SIK2: variants seen among roughly 807,000 people sequenced by gnomAD.
The protein encoded by SIK2 is serine/threonine-protein kinase SIK2.
In SIK2, 29 loss-of-function variants were observed where a neutral mutation model predicts 103.2. That is an observed-to-expected ratio of 0.28 (90% confidence interval 0.21 to 0.38). The LOEUF (loss-of-function observed/expected upper bound fraction) is 0.38. SIK2 is among the 10% of genes least tolerant of loss of function. The pLI, the probability that SIK2 is intolerant of heterozygous loss-of-function variation, is 1.00. For synonymous variants in SIK2, 412 were observed against 446.1 expected, an observed-to-expected ratio of 0.92 and a Z score of 0.96; for missense variants, 879 against 1,171.0, an observed-to-expected ratio of 0.75 and a Z score of 3.64.
chr11:111,612,165 C>T (rs564513074), intron 1 of SIK2, among the ~76,000 whole-genome samples: 1 of 152,188 alleles, frequency 6.6e-6, no homozygotes, highest in Admixed American at 6.5e-5. Context: ...AGTTAGAAGG[C>T]CTAGGGTTTT....
In SIK2 at chr11:111,722,090, T is replaced by A; in HGVS notation, c.2055+150T>A. 1 of 549,348 alleles carries A rather than the reference T, an allele frequency of 1.8e-6. No individual in the cohort carries two copies. Among genetic ancestry groups the A allele is most frequent in the Non-Finnish European group, 3.1e-6 (1 of 325,552 alleles). 34.0% of individuals were successfully genotyped at this position (549,348 alleles called of 1,614,324 possible). The stretch of plus-strand genomic sequence containing the variant: ...GCTTTGACTCTGTACTTGGAGTTTC[T>A]AGAAACGTGTTCAGATCTAGCTTTG... On this transcript the variant is annotated intron_variant, in intron 13 of 14. Transcript: ENST00000304987. This position sits in a 1 kb window ranked among gnomAD's most constrained non-coding sequence, Gnocchi z 4.4.
At chr11:111,631,814 TC>T (rs1205191711) in intron 3 of SIK2, among the ~76,000 whole-genome samples, 2 of 149,156 alleles carry the variant, frequency 1.3e-5, no homozygotes, top group Non-Finnish European at 3.0e-5. Context: ...TAGAGAGGCT[TC>T]CTGTGCCATC....
At position 111,725,433 on chromosome 11, in the gene SIK2, A is replaced by G. The variant is rs550917487; in HGVS notation, c.*1304A>G. 1 of 152,658 alleles carries G rather than the reference A, an allele frequency of 6.6e-6. No homozygotes were observed. Among genetic ancestry groups the G allele is most frequent in the African/African-American group, 2.4e-5 (1 of 41,554 alleles). The allele number at this position is 152,658 out of a possible 1,614,324, so 9.5% of individuals were successfully genotyped here. A position where few individuals can be genotyped will look rare whatever the true frequency, so the allele number is the denominator to read the frequency against. ...TACTAATAAAACTTAACCAACACTTACAATTCAGTCATCAAAGTAAGTAAA... is the reference window on the plus strand; with the variant it reads ...TACTAATAAAACTTAACCAACACTTGCAATTCAGTCATCAAAGTAAGTAAA... On this transcript the variant is annotated 3_prime_UTR_variant, in exon 15 of 15. Transcript: ENST00000304987.
chr11:111,680,203 G>A (rs1206201843), intron 3 of SIK2, among the ~76,000 whole-genome samples: 2 of 151,994 alleles, frequency 1.3e-5, no homozygotes, highest in Non-Finnish European at 2.9e-5. Flanking sequence ...GAAAAGATGA[G>A]TATAGATTTA....
At chr11:111,610,882 A>C (rs572827497) in intron 1 of SIK2, among the ~76,000 whole-genome samples, 1 of 152,280 alleles carries the variant, frequency 6.6e-6, no homozygotes, top group East Asian at 1.9e-4. Flanking sequence ...GTTTTTTGTC[A>C]TCTTTTTCTA....
chr11:111,617,859 TATACACAC>T (rs992798476), intron 2 of SIK2, among the ~76,000 whole-genome samples: 2 of 150,908 alleles, frequency 1.3e-5, no homozygotes, highest in South Asian at 2.1e-4. Flanking sequence ...TGTATATATA[TATACACAC>T]ACACACACAC....
intron 6 of SIK2, among the ~76,000 whole-genome samples, chr11:111,702,976 C>G (rs537287193): frequency 1.1e-4 from 17 of 152,064 alleles, no homozygotes; most frequent in Non-Finnish European, 2.2e-4. Context: ...TTCCTTTAGC[C>G]CAGAATCTGA....
At chr11:111,611,796 A>G (rs1013391059) in intron 1 of SIK2, among the ~76,000 whole-genome samples, 6 of 152,268 alleles carry the variant, frequency 3.9e-5, no homozygotes, top group South Asian at 4.1e-4. Flanking sequence ...TTCTTGACCT[A>G]CTTTCTTGTT....
At chr11:111,619,135 A>G (rs531425247) in intron 2 of SIK2, among the ~76,000 whole-genome samples, 26 of 152,222 alleles carry the variant, frequency 1.7e-4, no homozygotes, top group Non-Finnish European at 3.4e-4. Flanking sequence ...TAAAACTAAC[A>G]TAATTTGCAT....
At chr11:111,622,757 A>T (rs1202968747) in intron 3 of SIK2, among the ~76,000 whole-genome samples, 1 of 152,104 alleles carries the variant, frequency 6.6e-6, no homozygotes, top group East Asian at 1.9e-4. Context: ...ACTGTTTCTG[A>T]CAAAAAAACC....
intron 3 of SIK2, among the ~76,000 whole-genome samples, chr11:111,647,562 GAAAAAA>G (rs11307756): frequency 1.6e-5 from 1 of 62,940 alleles, no homozygotes; most frequent in African/African-American, 5.7e-5. Context: ...CCCCCATCTC[GAAAAAA>G]AAAAAAAAAA....
At chr11:111,682,210 T>A (rs565318986) in intron 3 of SIK2, among the ~76,000 whole-genome samples, 1 of 152,314 alleles carries the variant, frequency 6.6e-6, no homozygotes, top group South Asian at 2.1e-4. Flanking sequence ...ATATTAAGCC[T>A]GAATCTATTC....
chr11:111,676,347 A>T (rs1942703197), intron 3 of SIK2, among the ~76,000 whole-genome samples: 1 of 152,176 alleles, frequency 6.6e-6, no homozygotes, highest in South Asian at 2.1e-4. Context: ...ACTGCTTCCC[A>T]CCGCAGCTGA....
chr11:111,652,160 T>G (rs1591601648), intron 3 of SIK2, among the ~76,000 whole-genome samples: 1 of 152,204 alleles, frequency 6.6e-6, no homozygotes, highest in Non-Finnish European at 1.5e-5. Context: ...TACATACATA[T>G]ATATACACAT....
intron 9 of SIK2, 118 bp from the exon 10 acceptor site, chr11:111,719,657 C>A: frequency 1.0e-6 from 1 of 969,532 alleles, no homozygotes; most frequent in Non-Finnish European, 1.6e-6. Context: ...TAAATATGTG[C>A]ATGTTTAAAT....
chr11:111,637,227 T>C (rs1355690958), intron 3 of SIK2, among the ~76,000 whole-genome samples: 1 of 152,196 alleles, frequency 6.6e-6, no homozygotes, highest in African/African-American at 2.4e-5. Flanking sequence ...TGCTACCACA[T>C]TTTAATATCT....
chr11:111,722,529 T>G lies in SIK2; in HGVS notation c.2056-136T>G. The G allele has an allele frequency of 1.2e-6, 1 of 805,498 alleles. No individual in the cohort carries two copies. The highest frequency in any genetic ancestry group is 2.0e-6 in the Non-Finnish European group (1 of 510,362). The allele number at this position is 805,498 out of a possible 1,614,324, so 49.9% of individuals were successfully genotyped here. A position where few individuals can be genotyped will look rare whatever the true frequency, so the allele number is the denominator to read the frequency against. On this transcript the variant is annotated intron_variant, in intron 13 of 14. Coordinates refer to ENST00000304987, the MANE Select transcript of SIK2 (RefSeq NM_015191.3). This position sits in a 1 kb window ranked among gnomAD's most constrained non-coding sequence, Gnocchi z 4.4. ...GATGCTCTTTCAGGGTCTCAGGGAGTAAATGTCAGTCCCTTCACCCCGTGT... is the reference window on the plus strand; with the variant it reads ...GATGCTCTTTCAGGGTCTCAGGGAGGAAATGTCAGTCCCTTCACCCCGTGT...
At chr11:111,623,489 G>A (rs1321734862) in intron 3 of SIK2, among the ~76,000 whole-genome samples, 1 of 152,126 alleles carries the variant, frequency 6.6e-6, no homozygotes, top group Non-Finnish European at 1.5e-5. Flanking sequence ...GTTACTTTAG[G>A]TTTTCTTGAA....
At chr11:111,616,391 T>C in intron 2 of SIK2, 32 bp downstream of exon 2, 1 of 1,141,810 alleles carries the variant, frequency 8.8e-7, no homozygotes, top group Non-Finnish European at 1.3e-6. Flanking sequence ...TCTCCATTCA[T>C]TCCACAAGAT....
Sources: gnomAD v4.1 joint callset for allele counts (sites outside exome capture counted in the v4.1 genomes callset) on GRCh38, gnomAD v4.1.1 for gene constraint, Gnocchi (gnomAD v3.1) non-coding constraint, MANE v1.5 for transcripts, NCBI Gene and HGNC (gene_info 2026-07-23, HGNC 2026-07-21) for gene names.